VSNL1: variants seen among roughly 807,000 people sequenced by gnomAD.
VSNL1 encodes the protein visinin like 1, also known as visinin-like protein 1.
VSNL1 carries 6 observed loss-of-function variants against 20.4 expected under a neutral mutation model. That is an observed-to-expected ratio of 0.29 (90% CI 0.16 to 0.58). VSNL1 has a LOEUF of 0.58. VSNL1 is among the 20% of genes least tolerant of loss of function. The pLI, the probability that VSNL1 is intolerant of heterozygous loss-of-function variation, is 0.90. For synonymous variants in VSNL1, 93 were observed against 86.4 expected (o/e 1.08, Z -0.42); for missense variants, 100 against 234.5 (o/e 0.43, Z 3.75).
chr2:17,656,051 CTATA>C lies in VSNL1; in HGVS notation c.*662_*665del, dbSNP rs1046897449. 4 of 152,540 alleles carry C rather than the reference CTATA, an allele frequency of 2.6e-5. No homozygotes were observed. The highest frequency in any genetic ancestry group is 9.7e-5 in the African/African-American group (4 of 41,396). The allele number at this position is 152,540 out of a possible 1,614,324, so 9.4% of individuals were successfully genotyped here. A position where few individuals can be genotyped will look rare whatever the true frequency, so the allele number is the denominator to read the frequency against. ...TGACTTATTGATTAAGTATATCTAT[CTATA>C]TATACATATACACAAAGATATTATT... On this transcript the variant is annotated 3_prime_UTR_variant, in exon 4 of 4. Coordinates refer to ENST00000295156, the MANE Select transcript of VSNL1 (RefSeq NM_003385.5).
chr2:17,594,182 A>T (rs535792510), intron 2 of VSNL1, among the ~76,000 whole-genome samples: 1 of 152,230 alleles, frequency 6.6e-6, no homozygotes, highest in African/African-American at 2.4e-5. Flanking sequence ...TTTATGGTAC[A>T]ACTGATATAT....
chr2:17,540,496 C>T (rs1029836321), upstream of VSNL1, among the ~76,000 whole-genome samples: 2 of 152,260 alleles, frequency 1.3e-5, no homozygotes, highest in African/African-American at 4.8e-5. Flanking sequence ...TGGAATCCAC[C>T]CGCGGAAACT....
At chr2:17,594,205 C>T (rs901381470) in intron 2 of VSNL1, among the ~76,000 whole-genome samples, 2 of 152,186 alleles carry the variant, frequency 1.3e-5, no homozygotes, top group African/African-American at 4.8e-5. Flanking sequence ...GCACCAAAAT[C>T]ATCTCCCACC....
intron 1 of VSNL1, among the ~76,000 whole-genome samples, chr2:17,591,029 C>T (rs1664582875): frequency 6.6e-6 from 1 of 152,000 alleles, no homozygotes; most frequent in South Asian, 2.1e-4. Flanking sequence ...TATAAAGCAA[C>T]TTTAAAGGGA....
chr2:17,559,414 A>T lies in VSNL1; in HGVS notation c.-6+18496A>T, dbSNP rs559914272. Among the ~76,000 whole-genome samples the T allele has an allele frequency of 3.3e-5, 5 of 151,284 alleles. No individual in the cohort carries two copies. The East Asian group carries it at 9.6e-4, about 29-fold the overall frequency. ...TGTGATATTTAAAAACCAGCAAAAA[A>T]AAAAACAACAACAGCTTTTTAAATT... On this transcript the variant is annotated intron_variant, in intron 1 of 3. Transcript: ENST00000295156.
At chr2:17,572,979 G>T (rs541602091) in intron 1 of VSNL1, among the ~76,000 whole-genome samples, 19 of 152,272 alleles carry the variant, frequency 1.2e-4, no homozygotes, top group African/African-American at 4.1e-4. Context: ...CTATTCAACT[G>T]TTAAATACTG....
intron 2 of VSNL1, among the ~76,000 whole-genome samples, chr2:17,628,807 G>A (rs1327105884): frequency 6.6e-6 from 1 of 152,220 alleles, no homozygotes; most frequent in Admixed American, 6.5e-5. Context: ...CCCCTGCTGG[G>A]ATCTTCAGGG....
intron 2 of VSNL1, among the ~76,000 whole-genome samples, chr2:17,605,072 G>A (rs1664912403): frequency 6.6e-6 from 1 of 152,134 alleles, no homozygotes; most frequent in Admixed American, 6.5e-5. Context: ...TAGGGCAATG[G>A]CCTTCACTTC....
At chr2:17,566,027 A>G (rs1054835634) in intron 1 of VSNL1, among the ~76,000 whole-genome samples, 3 of 152,222 alleles carry the variant, frequency 2.0e-5, no homozygotes, top group Non-Finnish European at 2.9e-5. Context: ...CTCCCCAGCC[A>G]TGCTGAACTG....
intron 2 of VSNL1, among the ~76,000 whole-genome samples, chr2:17,612,426 G>A (rs1474522763): frequency 2.0e-5 from 3 of 152,194 alleles, no homozygotes; most frequent in African/African-American, 4.8e-5. Flanking sequence ...GGCTGACTGT[G>A]GGATGCTGGG....
chr2:17,578,542 G>A (rs62132069), intron 1 of VSNL1, among the ~76,000 whole-genome samples: 5,021 of 152,214 alleles, frequency 0.033, 87 homozygotes, highest in East Asian at 0.098. Flanking sequence ...AGTGACACAG[G>A]CCCAGAAGCA....
At chr2:17,648,312 C>A (rs773524408) in intron 2 of VSNL1, among the ~76,000 whole-genome samples, 1 of 152,134 alleles carries the variant, frequency 6.6e-6, no homozygotes, top group Non-Finnish European at 1.5e-5. Context: ...TCTGCAGGAC[C>A]CAGGTCAGGA....
In VSNL1 at chr2:17,556,952, A is replaced by G. The variant is rs116288465; in HGVS notation, c.-6+16034A>G. On this transcript the variant is annotated intron_variant, in intron 1 of 3. Coordinates refer to ENST00000295156, the MANE Select transcript of VSNL1 (RefSeq NM_003385.5). ...CTTTTCACTTTTCACAGATTATTAC[A>G]CCTTAGAACATTCAGGTGTTCCAAA... Among the ~76,000 whole-genome samples the G allele has an allele frequency of 2.6e-3, 391 of 152,252 alleles. 1 individual carries two copies. The highest frequency in any genetic ancestry group is 9.1e-3 in the African/African-American group (379 of 41,562).
chr2:17,613,112 T>C (rs1665129373), intron 2 of VSNL1, among the ~76,000 whole-genome samples: 1 of 152,130 alleles, frequency 6.6e-6, no homozygotes. Context: ...TCTCTTTTTT[T>C]TGGAGCTCAG....
chr2:17,652,841 T>A (rs963581028), intron 3 of VSNL1, among the ~76,000 whole-genome samples: 1 of 152,176 alleles, frequency 6.6e-6, no homozygotes, highest in African/African-American at 2.4e-5. Flanking sequence ...GCCCCGAAAT[T>A]TCTGGCTATC....
chr2:17,586,056 A>T (rs1451832604), intron 1 of VSNL1, among the ~76,000 whole-genome samples: 4 of 151,924 alleles, frequency 2.6e-5, no homozygotes. Context: ...TGATCTGCCC[A>T]CCTCAGCCTC....
intron 2 of VSNL1, 146 bp downstream of exon 2, chr2:17,592,382 T>G: frequency 2.3e-6 from 2 of 875,220 alleles, no homozygotes; most frequent in Non-Finnish European, 3.4e-6. Flanking sequence ...AAATTAACAT[T>G]TAAAAATGCA....
intron 2 of VSNL1, among the ~76,000 whole-genome samples, chr2:17,621,280 CTT>C (rs1203579269): frequency 6.7e-6 from 1 of 149,046 alleles, no homozygotes; most frequent in Non-Finnish European, 1.5e-5. Context: ...CTTCCTCTTT[CTT>C]TTTTTCTCTC....
chr2:17,631,918 G>A (rs756871705), intron 2 of VSNL1, among the ~76,000 whole-genome samples: 1 of 152,150 alleles, frequency 6.6e-6, no homozygotes, highest in Non-Finnish European at 1.5e-5. Context: ...ATGTAGTCTC[G>A]CTCTGTCACT....
Sources: allele counts gnomAD v4.1 joint callset (sites outside exome capture counted in the v4.1 genomes callset), GRCh38; gene constraint gnomAD v4.1.1; transcripts MANE v1.5; gene names NCBI Gene and HGNC (gene_info 2026-07-23, HGNC 2026-07-21).